The following MED12L variants were observed in gnomAD, a reference collection of about 807,000 sequenced individuals.
The protein encoded by MED12L is mediator of RNA polymerase II transcription subunit 12-like protein.
Under a neutral mutation model 281.3 loss-of-function variants are expected in MED12L, and 60 were observed. The observed-to-expected ratio is 0.21, with a 90% CI of 0.17 to 0.26. The LOEUF (loss-of-function observed/expected upper bound fraction) is 0.26. MED12L is among the 10% of genes least tolerant of loss of function. The pLI is 1.00. For synonymous variants in MED12L, 974 were observed against 987.2 expected (o/e 0.99, Z 0.25); for missense variants, 2,146 against 2,680.9 (o/e 0.80, Z 4.41).
intron 16 of MED12L, among the ~76,000 whole-genome samples, chr3:151,216,561 A>G (rs927506787): frequency 1.3e-5 from 2 of 152,206 alleles, no homozygotes; most frequent in African/African-American, 4.8e-5. Context: ...TGGCAAAACT[A>G]GAAATATTGA....
intron 18 of MED12L, 27 bp from the exon 19 acceptor site, chr3:151,355,869 A>G (rs1753856915): frequency 6.3e-7 from 1 of 1,576,050 alleles, no homozygotes; most frequent in Non-Finnish European, 8.6e-7. Flanking sequence ...TATTGGTCTT[A>G]CAATATTTTT....
chr3:151,141,187 G>GTTTT (rs76965310), intron 5 of MED12L, among the ~76,000 whole-genome samples: 21 of 99,116 alleles, frequency 2.1e-4, no homozygotes, highest in African/African-American at 8.1e-4. Context: ...TGTTTTTTTT[G>GTTTT]TTTTTTTTTT....
intron 2 of MED12L, among the ~76,000 whole-genome samples, chr3:151,088,638 C>A (rs1451107407): frequency 6.6e-6 from 1 of 152,092 alleles, no homozygotes; most frequent in African/African-American, 2.4e-5. Context: ...CGACTGGGGC[C>A]TCTGATTCTG....
At chr3:151,118,470 A>G (rs1417466168) in intron 3 of MED12L, among the ~76,000 whole-genome samples, 2 of 152,152 alleles carry the variant, frequency 1.3e-5, no homozygotes, top group Non-Finnish European at 2.9e-5. Context: ...ATCTTGGTAC[A>G]ATTTTTTACG....
At chr3:151,112,087 G>A (rs191635502) in intron 2 of MED12L, among the ~76,000 whole-genome samples, 21 of 152,136 alleles carry the variant, frequency 1.4e-4, no homozygotes, top group East Asian at 3.9e-4. Context: ...TAACTGTTGC[G>A]TCTTACTATG....
intron 16 of MED12L, among the ~76,000 whole-genome samples, chr3:151,286,492 G>T (rs932465390): frequency 1.3e-5 from 2 of 152,174 alleles, no homozygotes; most frequent in Non-Finnish European, 2.9e-5. Flanking sequence ...TGTTCTCCAT[G>T]CTCTTAGGAA....
chr3:151,307,196 T>C lies in MED12L; in HGVS notation c.2251-42863T>C, dbSNP rs956750254. Among the ~76,000 whole-genome samples the C allele has an allele frequency of 2.6e-5, 4 of 152,212 alleles. No homozygotes were observed. In the East Asian group the frequency reaches 7.7e-4, roughly 29 times the overall value. ...TTAAGCCTGACTTTATGTGTATGTG[T>C]ATTTGTAAATTTATGTGTGTTTTTC... On this transcript the variant is annotated intron_variant, in intron 16 of 44. Transcript: ENST00000687756.
intron 16 of MED12L, among the ~76,000 whole-genome samples, chr3:151,347,077 C>G (rs192724099): frequency 5.9e-5 from 9 of 152,172 alleles, no homozygotes; most frequent in Admixed American, 2.0e-4. Flanking sequence ...TGATCCTTTC[C>G]TAACTTCTTA....
chr3:151,387,710 G>A, intron 36 of MED12L, 100 bp from the exon 37 acceptor site: 1 of 1,431,888 alleles, frequency 7.0e-7, no homozygotes, highest in Non-Finnish European at 9.4e-7. Context: ...TAGGGCTCAT[G>A]CCAGCCAAAG....
At chr3:151,395,013 T>C in intron 39 of MED12L, 146 bp downstream of exon 39, 1 of 1,046,842 alleles carries the variant, frequency 9.6e-7, no homozygotes, top group Non-Finnish European at 1.4e-6. Context: ...GTTACAGGCT[T>C]GTAAATAGTT....
rs185373772 is a variant in MED12L at position 151,263,758 on chromosome 3, G to A, written c.2250+70092G>A. On this transcript the variant is annotated intron_variant, in intron 16 of 44. Coordinates refer to ENST00000687756, the MANE Select transcript of MED12L (RefSeq NM_001393769.1). ...ACAGGGTTGGAATTCCTGGATTCCC[G>A]TACCACCCCCCCCACTTATCAGCTC... 1.7e-3 allele frequency among the ~76,000 whole-genome samples: 185 copies of A among 106,832 alleles called. 3 individuals carry two copies. The East Asian group carries it at 0.045, about 26-fold the overall frequency. The allele number at this position is 106,832 out of a possible 152,430, so 70.1% of individuals were successfully genotyped here.
intron 31 of MED12L, among the ~76,000 whole-genome samples, chr3:151,378,803 T>C (rs535409029): frequency 3.4e-4 from 52 of 152,334 alleles, no homozygotes; most frequent in African/African-American, 1.2e-3. Flanking sequence ...TAAAAAAATA[T>C]TTTAAGCACA....
chr3:151,154,010 A>G (rs148250217), intron 5 of MED12L, among the ~76,000 whole-genome samples: 31 of 152,334 alleles, frequency 2.0e-4, no homozygotes, highest in African/African-American at 7.2e-4. Context: ...CTGAGAGCTG[A>G]GTTGAAAATA....
rs772438632 is a variant in MED12L, at chr3:151,193,563, G to A, written c.2147G>A (p.Cys716Tyr). The change falls in exon 16 of 45, where the codon TGT becomes TAT. Residue 716 changes from cysteine to tyrosine, a missense_variant. By Grantham distance (194) the Cys-to-Tyr change is radical (BLOSUM62 -2). Transcript: ENST00000687756. ...TSLGRRMSVN[C>Y]EKLVKREKPR... ...TTGGGCAGAAGAATGTCAGTTAATT[G>A]TGAGAAGTTGGTGAAGAGGGAAAAG... The A allele has an allele frequency of 1.9e-6, 3 of 1,613,932 alleles. No homozygotes were observed. The highest frequency in any genetic ancestry group is 2.5e-6 in the Non-Finnish European group (3 of 1,179,950).
intron 16 of MED12L, among the ~76,000 whole-genome samples, chr3:151,279,338 G>C (rs537470196): frequency 6.6e-6 from 1 of 152,310 alleles, no homozygotes; most frequent in East Asian, 1.9e-4. Flanking sequence ...TGACATGCCC[G>C]TTACTATTCT....
intron 16 of MED12L, among the ~76,000 whole-genome samples, chr3:151,278,136 T>C (rs952504642): frequency 6.6e-6 from 1 of 152,222 alleles, no homozygotes; most frequent in African/African-American, 2.4e-5. Context: ...CAATTATAGT[T>C]GTCAAACAAA....
rs1491982 is a variant in MED12L at position 151,413,703 on chromosome 3, C to T, written c.6297+408C>T. 8.8e-4 allele frequency among the ~76,000 whole-genome samples: 134 copies of T among 152,232 alleles called. 1 individual carries two copies. In the East Asian group the frequency reaches 0.02, roughly 23 times the overall value. On this transcript the variant is annotated intron_variant, in intron 42 of 44. Coordinates refer to ENST00000687756, the MANE Select transcript of MED12L (RefSeq NM_001393769.1). ...TCAGATTCCTAGAGCATTCTGCAAT[C>T]TAAAAACATTTCTATAACACCTCTG... is the stretch of plus-strand genomic sequence containing the variant.
chr3:151,300,676 C>T (rs1364027562), intron 16 of MED12L, among the ~76,000 whole-genome samples: 1 of 152,108 alleles, frequency 6.6e-6, no homozygotes, highest in Non-Finnish European at 1.5e-5. Context: ...GAAATAAAAC[C>T]ATGTGAGACT....
intron 1 of MED12L, 41 bp from the exon 2 acceptor site, chr3:151,086,757 C>T (rs1719273378): frequency 3.6e-6 from 2 of 553,804 alleles, no homozygotes; most frequent in Admixed American, 3.6e-5. Context: ...TGCTGCCGGG[C>T]AGCGGCAGCA....
Sources: allele counts gnomAD v4.1 joint callset (sites outside exome capture counted in the v4.1 genomes callset), GRCh38; gene constraint gnomAD v4.1.1; transcripts MANE v1.5; gene names NCBI Gene and HGNC (gene_info 2026-07-23, HGNC 2026-07-21).